KLF12: variants seen among roughly 807,000 people sequenced by gnomAD.
The protein encoded by KLF12 is Krueppel-like factor 12.
In KLF12, 9 loss-of-function variants were observed where a neutral mutation model predicts 37.8. The ratio of observed to expected loss-of-function variants is 0.24; its 90% confidence interval spans 0.14 to 0.42. The LOEUF is 0.42. Among genes scored for constraint, KLF12 ranks in the 10% least tolerant of loss-of-function variants. The probability of loss-of-function intolerance (pLI) is 1.00; values close to 1 mark genes in which losing one functional copy is unlikely to be tolerated. For missense variants in KLF12, 411 were observed against 516.0 expected, an observed-to-expected ratio of 0.80 and a Z score of 1.97; for synonymous variants, 208 against 202.1, an observed-to-expected ratio of 1.03 and a Z score of -0.25.
At chr13:74,280,901 A>G in the KLF12 span, among the ~76,000 whole-genome samples, 1 of 148,056 alleles carries the variant, frequency 6.8e-6, no homozygotes, top group African/African-American at 2.5e-5. Context: ...ACTCAAGAAT[A>G]TACTAACCTT....
At chr13:73,919,384 A>C (rs1301042511) in intron 3 of KLF12, among the ~76,000 whole-genome samples, 1 of 152,214 alleles carries the variant, frequency 6.6e-6, no homozygotes. Flanking sequence ...GCCTTTTATG[A>C]TGCTGCTAGA....
chr13:74,020,258 G>A (rs1467532460), intron 1 of KLF12, among the ~76,000 whole-genome samples: 3 of 152,068 alleles, frequency 2.0e-5, no homozygotes, highest in East Asian at 1.9e-4. Context: ...GAAAAAGCAC[G>A]CAGTCCATGC....
the KLF12 span, among the ~76,000 whole-genome samples, chr13:74,202,530 G>A: frequency 6.6e-6 from 1 of 152,106 alleles, no homozygotes; most frequent in Admixed American, 6.6e-5. Flanking sequence ...TAAAAAATGT[G>A]TGTTTATTTA....
intron 2 of KLF12, among the ~76,000 whole-genome samples, chr13:73,981,686 G>T (rs956861060): frequency 6.6e-6 from 1 of 152,160 alleles, no homozygotes; most frequent in South Asian, 2.1e-4. Flanking sequence ...CAAAATTCGT[G>T]TTGAATCCTA....
chr13:73,830,983 G>A (rs992006088), intron 4 of KLF12, among the ~76,000 whole-genome samples: 50 of 127,078 alleles, frequency 3.9e-4, no homozygotes, highest in Admixed American at 1.5e-3. Context: ...ATTACCTCAC[G>A]CAATTCATAC....
the KLF12 span, among the ~76,000 whole-genome samples, chr13:74,224,680 T>C: frequency 6.6e-6 from 1 of 152,162 alleles, no homozygotes; most frequent in African/African-American, 2.4e-5. Flanking sequence ...GGAAATGCTT[T>C]GTTGTTTTGA....
rs911981392 is a variant in KLF12 at position 73,689,372 on chromosome 13, A to G, written c.*6118T>C. The G allele has an allele frequency of 2.0e-5, 3 of 152,082 alleles. No homozygotes were observed. Among genetic ancestry groups the G allele is most frequent in the African/African-American group, 7.2e-5 (3 of 41,398 alleles). The allele number at this position is 152,082 out of a possible 1,614,324, so 9.4% of individuals were successfully genotyped here. Reference sequence around the variant, plus strand: ...GTTTAATCACAGTCCTACTTTTAAAATTGCCCTTACCCGATGTGTGACTCT... The same window carrying G: ...GTTTAATCACAGTCCTACTTTTAAAGTTGCCCTTACCCGATGTGTGACTCT... On this transcript the variant is annotated 3_prime_UTR_variant, in exon 8 of 8. Transcript: ENST00000377669.
At chr13:74,031,031 G>A (rs1893098622) in intron 1 of KLF12, among the ~76,000 whole-genome samples, 2 of 152,028 alleles carry the variant, frequency 1.3e-5, no homozygotes, top group African/African-American at 4.8e-5. Context: ...ATATGCACAA[G>A]GCACTGTGCT....
the KLF12 span, among the ~76,000 whole-genome samples, chr13:74,205,775 T>TA: frequency 6.6e-6 from 1 of 152,202 alleles, no homozygotes; most frequent in East Asian, 1.9e-4. Flanking sequence ...GAGGACACAC[T>TA]TAGCTGAGTT....
chr13:73,985,894 G>A (rs1262827357), intron 2 of KLF12, among the ~76,000 whole-genome samples: 1 of 152,194 alleles, frequency 6.6e-6, no homozygotes, highest in Non-Finnish European at 1.5e-5. Context: ...CCCTGAAAGA[G>A]GCAACAGCCC....
chr13:73,899,669 C>T (rs985240109), intron 3 of KLF12, among the ~76,000 whole-genome samples: 1 of 152,144 alleles, frequency 6.6e-6, no homozygotes, highest in African/African-American at 2.4e-5. Context: ...GCTGAGGGCC[C>T]AGACAGAACC....
chr13:73,964,261 G>A (rs1891110489), intron 2 of KLF12, among the ~76,000 whole-genome samples: 2 of 152,106 alleles, frequency 1.3e-5, no homozygotes, highest in South Asian at 4.1e-4. Flanking sequence ...GACATAAAGA[G>A]TCCACAAGAA....
At chr13:73,717,680 C>A (rs1384313777) in intron 6 of KLF12, among the ~76,000 whole-genome samples, 2 of 152,210 alleles carry the variant, frequency 1.3e-5, no homozygotes, top group Admixed American at 6.5e-5. Context: ...TATGGCCAAG[C>A]CACTTTTTTC....
chr13:73,759,651 G>A (rs1879419808), intron 6 of KLF12, among the ~76,000 whole-genome samples: 1 of 152,318 alleles, frequency 6.6e-6, no homozygotes, highest in South Asian at 2.1e-4. Context: ...GGATACGCAT[G>A]CAGAGGCCTG....
chr13:73,987,989 T>A (rs146440453), intron 2 of KLF12, among the ~76,000 whole-genome samples: 2 of 152,228 alleles, frequency 1.3e-5, no homozygotes, highest in African/African-American at 4.8e-5. Context: ...TGTTTGTCAT[T>A]TCAAATACTG....
chr13:73,837,367 T>C (rs1203487281), intron 4 of KLF12, among the ~76,000 whole-genome samples: 4 of 152,344 alleles, frequency 2.6e-5, no homozygotes, highest in African/African-American at 4.8e-5. Flanking sequence ...CGACAGATTG[T>C]AGGCATTTCA....
chr13:73,759,296 T>C (rs1234800561), intron 6 of KLF12, among the ~76,000 whole-genome samples: 5 of 152,150 alleles, frequency 3.3e-5, no homozygotes. Context: ...TTTCCACATA[T>C]TAAAGTCCAT....
chr13:73,843,616 T>C (rs1304955960), intron 4 of KLF12, among the ~76,000 whole-genome samples: 1 of 152,164 alleles, frequency 6.6e-6, no homozygotes, highest in Non-Finnish European at 1.5e-5. Flanking sequence ...CTATACATTA[T>C]GTTCCTAATC....
intron 5 of KLF12, among the ~76,000 whole-genome samples, chr13:73,795,221 G>A (rs1881896203): frequency 1.3e-5 from 2 of 152,188 alleles, no homozygotes; most frequent in South Asian, 2.1e-4. Flanking sequence ...TTTTTGGCAT[G>A]TATTGAATGC....
Sources: allele counts gnomAD v4.1 joint callset (sites outside exome capture counted in the v4.1 genomes callset), GRCh38; gene constraint gnomAD v4.1.1; transcripts MANE v1.5; gene names NCBI Gene and HGNC (gene_info 2026-07-23, HGNC 2026-07-21).